Variants in FANCC observed in about 807,000 individuals in gnomAD.
FANCC encodes FA complementation group C.
FANCC carries 55 observed loss-of-function variants against 71.3 expected under a neutral mutation model. The observed-to-expected ratio is 0.77, with a 90% CI of 0.62 to 0.97. FANCC has a LOEUF of 0.97. Among genes scored for constraint, FANCC ranks in the 50% least tolerant of loss-of-function variants. The pLI is 0.00. For synonymous variants in FANCC, 275 were observed against 244.9 expected (o/e 1.12, Z -1.15); for missense variants, 678 against 670.9 (o/e 1.01, Z -0.12).
intron 4 of FANCC, among the ~76,000 whole-genome samples, chr9:95,239,864 T>C (rs1407506376): frequency 2.0e-5 from 3 of 152,184 alleles, no homozygotes; most frequent in Non-Finnish European, 4.4e-5. Context: ...CTAATCTGGT[T>C]GGATGATTTC....
intron 8 of FANCC, 47 bp from the exon 9 acceptor site, chr9:95,126,628 T>C: frequency 6.3e-7 from 1 of 1,588,774 alleles, no homozygotes; most frequent in Non-Finnish European, 8.6e-7. Context: ...ACAAGCACTT[T>C]CTCAGAAACT....
intron 4 of FANCC, among the ~76,000 whole-genome samples, chr9:95,195,417 G>A (rs891831730): frequency 3.9e-5 from 6 of 152,152 alleles, no homozygotes; most frequent in Non-Finnish European, 7.4e-5. Flanking sequence ...TCAAAAACCA[G>A]TTGAACTTAT....
chr9:95,250,871 G>A (rs1831288313), intron 1 of FANCC, among the ~76,000 whole-genome samples: 1 of 152,192 alleles, frequency 6.6e-6, no homozygotes, highest in South Asian at 2.1e-4. Context: ...AAATGTAAAT[G>A]AGACCAGCAC....
chr9:95,123,530 AAAAG>A (rs750359643), intron 10 of FANCC: 4 of 510,836 alleles, frequency 7.8e-6, no homozygotes, highest in Non-Finnish European at 1.2e-5. Context: ...TATGATGAAA[AAAAG>A]AAGGAACAAC....
chr9:95,165,009 C>T (rs187649600), intron 6 of FANCC, among the ~76,000 whole-genome samples: 3 of 152,022 alleles, frequency 2.0e-5, no homozygotes, highest in South Asian at 2.1e-4. Flanking sequence ...ATTATTCAGT[C>T]GTGTAGGCTG....
intron 4 of FANCC, among the ~76,000 whole-genome samples, chr9:95,226,047 G>T (rs1303823119): frequency 6.6e-6 from 1 of 152,174 alleles, no homozygotes; most frequent in Non-Finnish European, 1.5e-5. Flanking sequence ...CCAGAGCCCT[G>T]TAAAATGATG....
chr9:95,172,238 G>T (rs1210512209), intron 4 of FANCC, 91 bp from the exon 5 acceptor site: 5 of 781,604 alleles, frequency 6.4e-6, no homozygotes, highest in South Asian at 3.4e-5. Context: ...TGTACATGGG[G>T]GTGGTCTCTA....
At chr9:95,228,255 C>T (rs1234625260) in intron 4 of FANCC, among the ~76,000 whole-genome samples, 2 of 152,190 alleles carry the variant, frequency 1.3e-5, no homozygotes, top group Non-Finnish European at 2.9e-5. Context: ...CACATTACAA[C>T]ACTCTCGCAG....
intron 8 of FANCC, chr9:95,126,958 C>T (rs1790422958): frequency 3.6e-6 from 1 of 278,238 alleles, no homozygotes; most frequent in Non-Finnish European, 7.0e-6. Context: ...GTGACCTCCT[C>T]AAATGGCTAG....
chr9:95,099,638 GGGCCACA>G lies in FANCC; in HGVS notation c.*2062_*2068del. 1 of 231,570 alleles carries G rather than the reference GGGCCACA, an allele frequency of 4.3e-6. No individual in the cohort carries two copies. Among genetic ancestry groups the G allele is most frequent in the Non-Finnish European group, 8.5e-6 (1 of 117,080 alleles). The allele number at this position is 231,570 out of a possible 1,614,324, so 14.3% of individuals were successfully genotyped here. On this transcript the variant is annotated 3_prime_UTR_variant, in exon 15 of 15. Coordinates refer to ENST00000289081, the MANE Select transcript of FANCC (RefSeq NM_000136.3). The stretch of plus-strand genomic sequence containing the variant: ...ATCTCTCAGGCTGGGAAAGGGCAAA[GGGCCACA>G]TGAAGCCAGCAGGCACTTCAGTGCC...
At chr9:95,143,298 C>T (rs567896257) in intron 7 of FANCC, among the ~76,000 whole-genome samples, 2 of 152,152 alleles carry the variant, frequency 1.3e-5, no homozygotes, top group Admixed American at 6.5e-5. Flanking sequence ...GCTATTTGAA[C>T]CCCACAGTTT....
intron 1 of FANCC, among the ~76,000 whole-genome samples, chr9:95,314,876 C>T (rs887123448): frequency 6.6e-6 from 1 of 151,910 alleles, no homozygotes; most frequent in African/African-American, 2.4e-5. Flanking sequence ...CAATTCTCCC[C>T]CAAATAGATA....
Position 95,286,693 on chromosome 9 carries a change from A to T in FANCC, c.-79+30833T>A, listed in dbSNP as rs1338043969. 4.6e-5 allele frequency among the ~76,000 whole-genome samples: 7 copies of T among 152,316 alleles called. No homozygotes were observed. The East Asian group carries it at 1.2e-3, about 25-fold the overall frequency. ...GCACAAAGATTTCACAAACCAGAAGAGTCTCGAGGGCTGATTACTGTTCAA... is the reference window on the plus strand; with the variant it reads ...GCACAAAGATTTCACAAACCAGAAGTGTCTCGAGGGCTGATTACTGTTCAA... On this transcript the variant is annotated intron_variant, in intron 1 of 14. Coordinates refer to ENST00000289081, the MANE Select transcript of FANCC (RefSeq NM_000136.3).
chr9:95,230,314 C>A (rs920538370), intron 4 of FANCC, among the ~76,000 whole-genome samples: 1 of 152,114 alleles, frequency 6.6e-6, no homozygotes, highest in Non-Finnish European at 1.5e-5. Flanking sequence ...TGAGTGGTTT[C>A]GAGAGCTCAA....
chr9:95,230,554 T>C (rs550732630), intron 4 of FANCC, among the ~76,000 whole-genome samples: 1 of 152,240 alleles, frequency 6.6e-6, no homozygotes, highest in South Asian at 2.1e-4. Context: ...CAGAGTTTGT[T>C]CCTTCAGATG....
intron 1 of FANCC, among the ~76,000 whole-genome samples, chr9:95,251,610 C>T (rs537323315): frequency 1.3e-5 from 2 of 152,166 alleles, no homozygotes; most frequent in African/African-American, 2.4e-5. Flanking sequence ...GCCACCGTGC[C>T]CAGCCAGTAA....
At chr9:95,292,425 T>G (rs2136319511) in intron 1 of FANCC, 1 of 1,106,302 alleles carries the variant, frequency 9.0e-7, no homozygotes, top group South Asian at 4.3e-5. Flanking sequence ...GAGAGGAGCC[T>G]CCGCCGCCGC....
At chr9:95,125,735 T>C (rs1825881466) in intron 9 of FANCC, among the ~76,000 whole-genome samples, 1 of 152,232 alleles carries the variant, frequency 6.6e-6, no homozygotes, top group Non-Finnish European at 1.5e-5. Context: ...GGTGAGTTAT[T>C]GTCACAGTAA....
chr9:95,155,983 C>G (rs960143510), intron 6 of FANCC, among the ~76,000 whole-genome samples: 1 of 151,418 alleles, frequency 6.6e-6, no homozygotes, highest in Non-Finnish European at 1.5e-5. Context: ...ACCCTGGCCT[C>G]CCAAATTGCT....
Sources: allele counts gnomAD v4.1 joint callset (sites outside exome capture counted in the v4.1 genomes callset), GRCh38; gene constraint gnomAD v4.1.1; transcripts MANE v1.5; gene names NCBI Gene and HGNC (gene_info 2026-07-23, HGNC 2026-07-21).